RAB27B: variants seen among roughly 807,000 people sequenced by gnomAD.
The protein encoded by RAB27B is RAB27B, member RAS oncogene family.
RAB27B carries 15 observed loss-of-function variants against 24.6 expected under a neutral mutation model. The observed-to-expected ratio is 0.61, with a 90% CI of 0.41 to 0.94. The LOEUF (loss-of-function observed/expected upper bound fraction) is 0.94. RAB27B is among the 40% of genes least tolerant of loss of function. RAB27B has a pLI of 0.00. For missense variants in RAB27B, 261 were observed against 266.8 expected (o/e 0.98, Z 0.15); for synonymous variants, 105 against 92.5 (o/e 1.14, Z -0.78).
At chr18:54,740,464 G>A (rs964630196) in intron 2 of RAB27B, among the ~76,000 whole-genome samples, 1 of 152,050 alleles carries the variant, frequency 6.6e-6, no homozygotes, top group Admixed American at 6.6e-5. Flanking sequence ...GCAATCTAAC[G>A]TAACTCATCT....
chr18:54,813,352 G>C (rs1910026132), intron 2 of RAB27B, among the ~76,000 whole-genome samples: 1 of 152,176 alleles, frequency 6.6e-6, no homozygotes, highest in African/African-American at 2.4e-5. Flanking sequence ...GATATGGTTT[G>C]GATATTTGTC....
At chr18:54,727,349 T>C (rs1194278764) in intron 2 of RAB27B, among the ~76,000 whole-genome samples, 1 of 152,078 alleles carries the variant, frequency 6.6e-6, no homozygotes, top group Non-Finnish European at 1.5e-5. Context: ...GAGAGTCAGG[T>C]GTATATATAA....
At chr18:54,849,429 G>A (rs1037773704) in intron 1 of RAB27B, among the ~76,000 whole-genome samples, 1 of 152,106 alleles carries the variant, frequency 6.6e-6, no homozygotes, top group African/African-American at 2.4e-5. Context: ...TATAAAGAAG[G>A]TAAATTGGCC....
At chr18:54,849,836 C>T (rs1175656681) in intron 1 of RAB27B, among the ~76,000 whole-genome samples, 2 of 152,018 alleles carry the variant, frequency 1.3e-5, no homozygotes, top group Non-Finnish European at 2.9e-5. Flanking sequence ...CTGAATAGAC[C>T]TCTGACACTC....
At chr18:54,852,941 T>G (rs1301453568) in intron 1 of RAB27B, among the ~76,000 whole-genome samples, 1 of 152,174 alleles carries the variant, frequency 6.6e-6, no homozygotes, top group Non-Finnish European at 1.5e-5. Flanking sequence ...ACCATTCTAG[T>G]TTCTGCAGCG....
At position 54,757,301 on chromosome 18, in the gene RAB27B, A is replaced by C. The variant is rs534299936; in HGVS notation, c.-20+39160A>C. ...AAGTCAGGATCAAAATGCAGAGATA[A>C]AATTTGAGCTCTTGAGGGCTCAGGA... On this transcript the variant is annotated intron_variant, in intron 2 of 4. Coordinates refer to the RAB27B transcript ENST00000586570. Among the ~76,000 whole-genome samples the C allele has an allele frequency of 2.0e-5, 3 of 152,308 alleles. No individual in the cohort carries two copies. In the East Asian group the frequency reaches 5.8e-4, roughly 29 times the overall value.
intron 1 of RAB27B, among the ~76,000 whole-genome samples, chr18:54,867,448 T>C (rs1172963835): frequency 5.5e-5 from 8 of 145,506 alleles, no homozygotes; most frequent in South Asian, 4.6e-4. Context: ...TTTTCTTTTT[T>C]TTTTTTTTTT....
Position 54,893,223 on chromosome 18 carries a change from G to A in RAB27B, c.*3810G>A, listed in dbSNP as rs1031003684. On this transcript the variant is annotated 3_prime_UTR_variant, in exon 6 of 6. Coordinates refer to ENST00000262094, the MANE Select transcript of RAB27B (RefSeq NM_004163.4). ...TTCCTCATTGCATATTACACCAAAC[G>A]TTTGAGGGAAAAATCCTCATTCGTA... 2.0e-5 allele frequency: 3 copies of A among 151,874 alleles called. No individual in the cohort carries two copies. The highest frequency in any genetic ancestry group is 1.9e-4 in the East Asian group (1 of 5,194). The allele number at this position is 151,874 out of a possible 1,614,324, so 9.4% of individuals were successfully genotyped here. A position where few individuals can be genotyped will look rare whatever the true frequency, so the allele number is the denominator to read the frequency against.
chr18:54,832,128 G>A (rs1910705633), intron 1 of RAB27B, among the ~76,000 whole-genome samples: 1 of 152,116 alleles, frequency 6.6e-6, no homozygotes, highest in Non-Finnish European at 1.5e-5. Flanking sequence ...AAGTCGTAGG[G>A]TGACCAGAGT....
chr18:54,753,389 T>C (rs1907897603), intron 2 of RAB27B, among the ~76,000 whole-genome samples: 1 of 152,214 alleles, frequency 6.6e-6, no homozygotes, highest in African/African-American at 2.4e-5. Context: ...TTAATCATTG[T>C]TTGGCTTTGG....
intron 1 of RAB27B, among the ~76,000 whole-genome samples, chr18:54,853,445 A>G (rs1338433132): frequency 4.6e-5 from 7 of 152,140 alleles, no homozygotes; most frequent in African/African-American, 1.7e-4. Flanking sequence ...GTATATATAT[A>G]TATATCCATG....
chr18:54,863,604 C>A (rs1317119040), intron 1 of RAB27B, among the ~76,000 whole-genome samples: 1 of 152,152 alleles, frequency 6.6e-6, no homozygotes, highest in Non-Finnish European at 1.5e-5. Context: ...GCCACCATTA[C>A]TATTTAAATC....
At chr18:54,808,877 C>A (rs7237747) in intron 2 of RAB27B, among the ~76,000 whole-genome samples, 3 of 151,966 alleles carry the variant, frequency 2.0e-5, no homozygotes, top group African/African-American at 4.8e-5. Context: ...TGAGAAGAAC[C>A]TTTAACATAC....
chr18:54,869,734 C>T (rs563698313), intron 1 of RAB27B, among the ~76,000 whole-genome samples: 1 of 152,210 alleles, frequency 6.6e-6, no homozygotes, highest in Admixed American at 6.5e-5. Context: ...GCTTTGTTTT[C>T]CAAAGCCTTC....
chr18:54,751,682 C>T (rs1396302057), intron 2 of RAB27B, among the ~76,000 whole-genome samples: 5 of 152,128 alleles, frequency 3.3e-5, no homozygotes, highest in African/African-American at 9.7e-5. Context: ...TCTGAGAATA[C>T]ACAAAGTATG....
chr18:54,865,237 T>TTTTGTGTG (rs146590864), intron 1 of RAB27B, among the ~76,000 whole-genome samples: 2 of 143,392 alleles, frequency 1.4e-5, no homozygotes, highest in South Asian at 4.6e-4. Context: ...CAATGGCCTT[T>TTTTGTGTG]TGTGTGTGTG....
At chr18:54,878,743 AAAGGCCAGAATTTTT>A (rs1204084170) in intron 2 of RAB27B, among the ~76,000 whole-genome samples, 1 of 81,576 alleles carries the variant, frequency 1.2e-5, no homozygotes, top group African/African-American at 3.3e-5. Flanking sequence ...TAAACAATAA[AAAGGCCAGAATTTTT>A]TTAAAAAAAT....
At chr18:54,729,111 C>T (rs1909649425) in intron 2 of RAB27B, among the ~76,000 whole-genome samples, 1 of 151,898 alleles carries the variant, frequency 6.6e-6, no homozygotes, top group African/African-American at 2.4e-5. Context: ...ACGTAGTTAC[C>T]TGTGAAAACT....
intron 2 of RAB27B, among the ~76,000 whole-genome samples, chr18:54,762,175 G>A (rs1010382947): frequency 3.3e-5 from 5 of 152,054 alleles, no homozygotes; most frequent in Non-Finnish European, 7.4e-5. Flanking sequence ...TCACACTTCC[G>A]ATAATTCTGT....
Sources: allele counts gnomAD v4.1 joint callset (sites outside exome capture counted in the v4.1 genomes callset), GRCh38; gene constraint gnomAD v4.1.1; transcripts MANE v1.5; gene names NCBI Gene and HGNC (gene_info 2026-07-23, HGNC 2026-07-21).